The following PCDHA2 variants were observed in gnomAD, a reference collection of about 807,000 sequenced individuals.
PCDHA2 encodes protocadherin alpha 2.
PCDHA2 carries 58 observed loss-of-function variants against 66.0 expected under a neutral mutation model. The ratio of observed to expected loss-of-function variants is 0.88; its 90% confidence interval spans 0.71 to 1.09. The LOEUF (loss-of-function observed/expected upper bound fraction) is 1.09, where lower values mean the gene tolerates loss of function less well. Ranked by LOEUF, PCDHA2 falls within the 50% of genes least tolerant of loss-of-function variation. The pLI is 0.00. For synonymous variants in PCDHA2, 634 were observed against 554.0 expected (o/e 1.14, Z -2.03); for missense variants, 1,267 against 1,242.3 (o/e 1.02, Z -0.30).
chr5:140,795,934 G>T lies in PCDHA2; in HGVS notation c.970G>T (p.Asp324Tyr). Reference protein sequence around the residue: ...KSYEIQVTATDKGTPSMSGHC... With the variant: ...KSYEIQVTATYKGTPSMSGHC... ...CTACGAGATTCAGGTCACTGCAACT[G>T]ACAAAGGAACCCCTTCAATGTCAGG... Residue 324 changes from aspartate (D) to tyrosine (Y), a missense_variant, in exon 1 of 4, where the codon GAC (aspartate) becomes TAC (tyrosine). Asp to Tyr is a radical substitution (Grantham distance 160). Coordinates refer to ENST00000526136, the MANE Select transcript of PCDHA2 (RefSeq NM_018905.3). 1 of 1,613,992 alleles carries T rather than the reference G, an allele frequency of 6.2e-7. No homozygotes were observed. The highest frequency in any genetic ancestry group is 1.1e-5 in the South Asian group (1 of 91,068).
At chr5:140,913,987 T>C (rs562066581) in intron 1 of PCDHA2, among the ~76,000 whole-genome samples, 5 of 152,318 alleles carry the variant, frequency 3.3e-5, no homozygotes, top group African/African-American at 1.2e-4. Context: ...ACTTGTATTG[T>C]GACTAGCATA....
At chr5:140,966,710 G>C in intron 1 of PCDHA2, 1 of 1,391,664 alleles carries the variant, frequency 7.2e-7, no homozygotes, top group African/African-American at 1.5e-5. Context: ...GTGGGGCACG[G>C]CTGGGGAAGC....
chr5:140,910,965 C>T (rs1554194514), intron 1 of PCDHA2, among the ~76,000 whole-genome samples: 1 of 152,098 alleles, frequency 6.6e-6, no homozygotes, highest in Non-Finnish European at 1.5e-5. Context: ...TAGCACACCT[C>T]CTCATGGGTT....
At chr5:140,854,178 A>AAATT in intron 1 of PCDHA2, 2 of 531,176 alleles carry the variant, frequency 3.8e-6, no homozygotes, top group Non-Finnish European at 4.8e-6. Flanking sequence ...AAAAAAAAAG[A>AAATT]GTAGTTTAAC....
chr5:140,820,950 C>G (rs1766864862), intron 1 of PCDHA2, among the ~76,000 whole-genome samples: 2 of 152,006 alleles, frequency 1.3e-5, no homozygotes, highest in South Asian at 4.2e-4. Flanking sequence ...ATCCCCATTA[C>G]AGTTTTTGAG....
chr5:140,830,840 T>G (rs1048325789), intron 1 of PCDHA2: 1 of 154,714 alleles, frequency 6.5e-6, no homozygotes, highest in African/African-American at 2.4e-5. Flanking sequence ...ATAATTTTTT[T>G]ACATATACTC....
intron 1 of PCDHA2, chr5:140,871,297 G>A (rs781824958): frequency 5.6e-6 from 9 of 1,613,778 alleles, no homozygotes; most frequent in African/African-American, 5.3e-5. Context: ...GGGCGCGTGC[G>A]CGCCGGGGAA....
intron 1 of PCDHA2, chr5:140,876,882 G>C: frequency 1.2e-6 from 2 of 1,614,140 alleles, no homozygotes; most frequent in Non-Finnish European, 1.7e-6. Context: ...ACAACCCGCC[G>C]GGCTGCCACA....
chr5:140,850,762 A>T, intron 1 of PCDHA2: 1 of 1,598,020 alleles, frequency 6.3e-7, no homozygotes, highest in South Asian at 1.1e-5. Context: ...CAGAGGAGGC[A>T]GAGGGTGTGC....
intron 1 of PCDHA2, chr5:140,807,661 G>C (rs112291126): frequency 6.2e-6 from 10 of 1,614,194 alleles, no homozygotes; most frequent in East Asian, 2.2e-5. Context: ...AGGGCGCCTC[G>C]GATGCAGATA....
chr5:140,842,007 T>C (rs2150327218), intron 1 of PCDHA2: 2 of 1,613,612 alleles, frequency 1.2e-6, no homozygotes, highest in East Asian at 2.2e-5. Flanking sequence ...GTTCAGCTGC[T>C]GGTCACAGTG....
chr5:140,929,306 A>G lies in PCDHA2; in HGVS notation c.2389-49643A>G, dbSNP rs781950847. 9 of 1,572,580 alleles carry G rather than the reference A, an allele frequency of 5.7e-6. No homozygotes were observed. The Admixed American group carries it at 9.0e-5, about 16-fold the overall frequency. On this transcript the variant is annotated intron_variant, in intron 1 of 3. Coordinates refer to ENST00000526136, the MANE Select transcript of PCDHA2 (RefSeq NM_018905.3). The stretch of plus-strand genomic sequence containing the variant: ...CAGATTCGGAATAGGAAAGGGGATC[A>G]CGCTAATGTCAATGCCATGGTAAGC...
rs782000026 is a variant in PCDHA2, at chr5:140,858,227, G to A, written c.2388+60875G>A. 14 of 1,596,370 alleles carry A rather than the reference G, an allele frequency of 8.8e-6. 2 individuals carry two copies. The African/African-American group carries it at 1.9e-4, about 21-fold the overall frequency. On this transcript the variant is annotated intron_variant, in intron 1 of 3. Coordinates refer to ENST00000526136, the MANE Select transcript of PCDHA2 (RefSeq NM_018905.3). Reference sequence around the variant, plus strand: ...ACTGAGGTGCTCGGCGGCGCCCACCGAGGGCGCATGTGGGCCGGTGAAGCC... The same window carrying A: ...ACTGAGGTGCTCGGCGGCGCCCACCAAGGGCGCATGTGGGCCGGTGAAGCC...
chr5:140,971,202 C>T (rs1486022070), intron 1 of PCDHA2, among the ~76,000 whole-genome samples: 1 of 152,156 alleles, frequency 6.6e-6, no homozygotes, highest in Non-Finnish European at 1.5e-5. Context: ...AGGAAAGACA[C>T]TGTTACCCTC....
chr5:140,883,791 T>C, intron 1 of PCDHA2: 3 of 1,612,422 alleles, frequency 1.9e-6, no homozygotes, highest in Middle Eastern at 3.9e-4. Flanking sequence ...TCGAGCTACG[T>C]GTCGGTGCAC....
At position 140,807,396 on chromosome 5, in the gene PCDHA2, G is replaced by GA. The variant is rs200172095; in HGVS notation, c.2388+10044_2388+10045insA. 2.8e-3 allele frequency: 4,052 copies of GA among 1,446,230 alleles called. 1,984 individuals carry two copies. The highest frequency in any genetic ancestry group is 0.012 in the Admixed American group (618 of 53,392). The allele number at this position is 1,446,230 out of a possible 1,614,324, so 89.6% of individuals were successfully genotyped here. A position where few individuals can be genotyped will look rare whatever the true frequency, so the allele number is the denominator to read the frequency against. Reference sequence around the variant, plus strand: ...CGCCTGTTCCGGGTGGCGTCCAAGGGCCGCGGAGGCCTTCTGGAGGTAAAT... The same window carrying GA: ...CGCCTGTTCCGGGTGGCGTCCAAGGGACCGCGGAGGCCTTCTGGAGGTAAAT... On this transcript the variant is annotated intron_variant, in intron 1 of 3. Coordinates refer to ENST00000526136, the MANE Select transcript of PCDHA2 (RefSeq NM_018905.3).
At chr5:140,999,454 A>G (rs1467435215) in intron 3 of PCDHA2, among the ~76,000 whole-genome samples, 1 of 152,206 alleles carries the variant, frequency 6.6e-6, no homozygotes, top group African/African-American at 2.4e-5. Context: ...CGTTCAACGA[A>G]TAAGTGGTGA....
chr5:140,904,939 T>G (rs1418494936), intron 1 of PCDHA2, among the ~76,000 whole-genome samples: 3 of 152,254 alleles, frequency 2.0e-5, no homozygotes, highest in Admixed American at 2.0e-4. Flanking sequence ...TTCTGGATAT[T>G]AGTCCTTTGT....
chr5:140,931,215 CAG>C (rs2087377353), intron 1 of PCDHA2, among the ~76,000 whole-genome samples: 1 of 152,106 alleles, frequency 6.6e-6, no homozygotes, highest in East Asian at 1.9e-4. Flanking sequence ...TTTCAGGTAT[CAG>C]AGCACTTAAT....
Sources: gnomAD v4.1 joint callset for allele counts (sites outside exome capture counted in the v4.1 genomes callset) on GRCh38, gnomAD v4.1.1 for gene constraint, MANE v1.5 for transcripts, NCBI Gene and HGNC (gene_info 2026-07-23, HGNC 2026-07-21) for gene names.